The following GRM5 variants were observed in gnomAD, a reference collection of about 807,000 sequenced individuals.
The protein encoded by GRM5 is metabotropic glutamate receptor 5.
In GRM5, 19 loss-of-function variants were observed where a neutral mutation model predicts 83.1. That is an observed-to-expected ratio of 0.23 (90% confidence interval 0.16 to 0.34). The LOEUF is 0.34. Ranked by LOEUF, GRM5 falls within the 10% of genes least tolerant of loss-of-function variation. The pLI is 1.00. For missense variants in GRM5, 1,160 were observed against 1,588.3 expected, an observed-to-expected ratio of 0.73 and a Z score of 4.58; for synonymous variants, 675 against 633.6, an observed-to-expected ratio of 1.07 and a Z score of -0.98.
At chr11:88,779,410 G>A (rs554603078) in intron 3 of GRM5, among the ~76,000 whole-genome samples, 17 of 152,186 alleles carry the variant, frequency 1.1e-4, no homozygotes, top group Non-Finnish European at 2.2e-4. Flanking sequence ...ATCAGACTCC[G>A]CTGGGTTTAG....
chr11:88,694,683 A>T lies in GRM5; in HGVS notation c.912-41280T>A, dbSNP rs1341653143. 3.3e-5 allele frequency among the ~76,000 whole-genome samples: 5 copies of T among 152,148 alleles called. No individual in the cohort carries two copies. In the East Asian group the frequency reaches 9.6e-4, roughly 29 times the overall value. Reference sequence around the variant, plus strand: ...ATGATTGGACAATCATAAAACTATCATGACCATATAACTGAAGATGATTTA... The same window carrying T: ...ATGATTGGACAATCATAAAACTATCTTGACCATATAACTGAAGATGATTTA... On this transcript the variant is annotated intron_variant, in intron 3 of 9. Transcript: ENST00000305447.
Position 88,509,210 on chromosome 11 carries a change from C to A in GRM5, c.3021G>T (p.Glu1007Asp). ...PKALYDVAEAEEHFPAPARPR... is the reference protein window; with the variant it reads ...PKALYDVAEADEHFPAPARPR... The stretch of plus-strand genomic sequence containing the variant: ...GCCGCGCGGGCGCCGGGAAGTGCTC[C>A]TCAGCCTCGGCCACATCATACAGCG... The change falls in exon 10 of 10, where the codon GAG becomes GAT. Residue 1007 changes from glutamate (E) to aspartate (D), a missense_variant. Around this residue, in one of 9 missense-constraint regions of GRM5, gnomAD observed 562 missense variants for 532.4 expected, o/e 1.06. Transcript: ENST00000305447. 1 of 1,534,470 alleles carries A rather than the reference C, an allele frequency of 6.5e-7. No individual in the cohort carries two copies. Among genetic ancestry groups the A allele is most frequent in the African/African-American group, 1.4e-5 (1 of 71,036 alleles).
At chr11:88,574,870 G>C (rs1943073756) in intron 7 of GRM5, among the ~76,000 whole-genome samples, 2 of 152,086 alleles carry the variant, frequency 1.3e-5, no homozygotes, top group African/African-American at 2.4e-5. Flanking sequence ...AGTATGTATA[G>C]AGGAAAGAAT....
chr11:88,813,895 C>T (rs1463678024), intron 3 of GRM5, among the ~76,000 whole-genome samples: 3 of 151,870 alleles, frequency 2.0e-5, no homozygotes, highest in Non-Finnish European at 2.9e-5. Flanking sequence ...TTTGACTCCA[C>T]CTATATATCC....
chr11:88,829,716 A>G (rs2135518307), intron 3 of GRM5, among the ~76,000 whole-genome samples: 1 of 152,320 alleles, frequency 6.6e-6, no homozygotes, highest in South Asian at 2.1e-4. Flanking sequence ...AATTTAAAAA[A>G]TTGTAGTTGG....
At chr11:88,926,015 T>G (rs1945782924) in intron 2 of GRM5, among the ~76,000 whole-genome samples, 1 of 152,158 alleles carries the variant, frequency 6.6e-6, no homozygotes, top group African/African-American at 2.4e-5. Flanking sequence ...GAGCCAGGAT[T>G]AAATCAAGCA....
chr11:88,900,802 G>A (rs1158242174), intron 2 of GRM5, among the ~76,000 whole-genome samples: 3 of 152,120 alleles, frequency 2.0e-5, no homozygotes, highest in Admixed American at 1.3e-4. Context: ...TAAGATAGAG[G>A]TAAGCATCTG....
At chr11:88,591,789 C>G (rs533005099) in intron 6 of GRM5, among the ~76,000 whole-genome samples, 4 of 152,248 alleles carry the variant, frequency 2.6e-5, no homozygotes, top group Admixed American at 1.3e-4. Flanking sequence ...CCTGAAATAG[C>G]TTTTCCCTAA....
chr11:88,933,928 G>A (rs1937804941), intron 2 of GRM5, among the ~76,000 whole-genome samples: 1 of 151,438 alleles, frequency 6.6e-6, no homozygotes, highest in South Asian at 2.1e-4. Context: ...ACCAGACCTG[G>A]GCCTATTAAA....
chr11:89,035,504 A>T (rs1468658841), intron 2 of GRM5, among the ~76,000 whole-genome samples: 1 of 151,956 alleles, frequency 6.6e-6, no homozygotes, highest in African/African-American at 2.4e-5. Context: ...ATATGAAGAC[A>T]GTTTCTGAAG....
chr11:88,585,724 G>A (rs1943300231), intron 7 of GRM5, among the ~76,000 whole-genome samples: 1 of 152,122 alleles, frequency 6.6e-6, no homozygotes, highest in African/African-American at 2.4e-5. Flanking sequence ...GGCCTTCTCT[G>A]TTGTCAATAT....
chr11:88,963,458 T>C (rs936194731), intron 2 of GRM5, among the ~76,000 whole-genome samples: 4 of 152,306 alleles, frequency 2.6e-5, no homozygotes, highest in South Asian at 4.1e-4. Flanking sequence ...GCAACATCTG[T>C]GTTATGTTTC....
At chr11:88,609,627 A>T (rs1012394954) in intron 4 of GRM5, among the ~76,000 whole-genome samples, 1 of 152,098 alleles carries the variant, frequency 6.6e-6, no homozygotes, top group Non-Finnish European at 1.5e-5. Context: ...CACATTCTGG[A>T]TATTAGACAT....
intron 2 of GRM5, among the ~76,000 whole-genome samples, chr11:88,891,925 T>C (rs1945151616): frequency 6.6e-6 from 1 of 152,050 alleles, no homozygotes; most frequent in Non-Finnish European, 1.5e-5. Context: ...GCTAAAGCAA[T>C]CTTTTTGACT....
intron 3 of GRM5, among the ~76,000 whole-genome samples, chr11:88,677,000 G>C (rs1940346706): frequency 6.6e-6 from 1 of 152,012 alleles, no homozygotes; most frequent in South Asian, 2.1e-4. Context: ...AAAAGTACTT[G>C]AAAACTGTGG....
intron 2 of GRM5, among the ~76,000 whole-genome samples, chr11:89,035,874 T>C (rs1214326052): frequency 6.6e-6 from 1 of 152,008 alleles, no homozygotes; most frequent in Non-Finnish European, 1.5e-5. Context: ...TTTTTTTTGG[T>C]TTTAAACTCA....
intron 3 of GRM5, among the ~76,000 whole-genome samples, chr11:88,741,341 G>T (rs1256578727): frequency 6.6e-6 from 1 of 151,988 alleles, no homozygotes; most frequent in Non-Finnish European, 1.5e-5. Flanking sequence ...ACCTGCTTCG[G>T]TAGGTGTAGC....
intron 4 of GRM5, among the ~76,000 whole-genome samples, chr11:88,624,519 G>C (rs1182697299): frequency 1.3e-5 from 2 of 152,104 alleles, no homozygotes; most frequent in African/African-American, 4.8e-5. Flanking sequence ...ACTGAAACAA[G>C]AAACTAAAAA....
At chr11:88,914,972 AAGAAAATACTC>A (rs1945564688) in intron 2 of GRM5, among the ~76,000 whole-genome samples, 1 of 152,154 alleles carries the variant, frequency 6.6e-6, no homozygotes, top group Non-Finnish European at 1.5e-5. Flanking sequence ...AGGTATGGGT[AAGAAAATACTC>A]AGAAAATTAA....
Sources: gnomAD v4.1 joint callset for allele counts (sites outside exome capture counted in the v4.1 genomes callset) on GRCh38, gnomAD v4.1.1 for gene constraint, gnomAD v4.1.1 regional missense constraint, MANE v1.5 for transcripts, NCBI Gene and HGNC (gene_info 2026-07-23, HGNC 2026-07-21) for gene names.